The following ERCC6L2 variants were observed in gnomAD, a reference collection of about 807,000 sequenced individuals.
ERCC6L2 encodes DNA excision repair protein ERCC-6-like 2.
Under a neutral mutation model 132.0 loss-of-function variants are expected in ERCC6L2, and 77 were observed. The observed-to-expected ratio is 0.58, with a 90% confidence interval of 0.49 to 0.71. The LOEUF (loss-of-function observed/expected upper bound fraction) is 0.71, where lower values mean the gene tolerates loss of function less well. Ranked by LOEUF, ERCC6L2 falls within the 30% of genes least tolerant of loss-of-function variation. The probability of loss-of-function intolerance (pLI) is 0.00; values close to 1 mark genes in which losing one functional copy is unlikely to be tolerated. For missense variants in ERCC6L2, 1,542 were observed against 1,837.6 expected (o/e 0.84, Z 2.94); for synonymous variants, 583 against 632.4 (o/e 0.92, Z 1.17).
At chr9:95,941,353 A>G (rs1830788235) in intron 11 of ERCC6L2, 101 bp from the exon 12 acceptor site, 2 of 726,396 alleles carry the variant, frequency 2.8e-6, no homozygotes, top group Admixed American at 2.5e-5. Flanking sequence ...TTAATGCAAT[A>G]TCGTACTGTT....
At chr9:95,934,903 G>A (rs1387477387) in intron 11 of ERCC6L2, among the ~76,000 whole-genome samples, 1 of 152,054 alleles carries the variant, frequency 6.6e-6, no homozygotes, top group Non-Finnish European at 1.5e-5. Context: ...GAAAGATGAG[G>A]ACATTTCTTT....
Position 96,004,721 on chromosome 9 carries a change from A to G in ERCC6L2, c.3674+20A>G, listed in dbSNP as rs1314324917. 1.5e-6 allele frequency: 2 copies of G among 1,293,072 alleles called. No individual in the cohort carries two copies. The highest frequency in any genetic ancestry group is 2.1e-6 in the Non-Finnish European group (2 of 973,590). 80.1% of individuals were successfully genotyped at this position (1,293,072 alleles called of 1,614,324 possible). A position where few individuals can be genotyped will look rare whatever the true frequency, so the allele number is the denominator to read the frequency against. On this transcript the variant is annotated intron_variant, in intron 18 of 18. Transcript: ENST00000653738. ...CCGCAGGTATATTGTCTCTGACAAT[A>G]CTATACTTGAAGAATAATTCTCAAA...
At chr9:96,006,412 A>G (rs1209976452) in intron 18 of ERCC6L2, among the ~76,000 whole-genome samples, 2 of 152,246 alleles carry the variant, frequency 1.3e-5, no homozygotes, top group African/African-American at 4.8e-5. Context: ...CTCAGCAGGC[A>G]CCTTGGCAGG....
chr9:95,963,919 G>A (rs576268348), intron 13 of ERCC6L2, among the ~76,000 whole-genome samples: 1 of 152,214 alleles, frequency 6.6e-6, no homozygotes, highest in South Asian at 2.1e-4. Flanking sequence ...CCCTACTACT[G>A]CTCACGTTAA....
intron 2 of ERCC6L2, among the ~76,000 whole-genome samples, chr9:95,891,943 T>C (rs1434894274): frequency 6.6e-6 from 1 of 152,164 alleles, no homozygotes; most frequent in African/African-American, 2.4e-5. Context: ...TGGATACTAA[T>C]CCCTCATCAG....
intron 1 of ERCC6L2, chr9:95,877,190 C>CCAACAGGAAATCT (rs1440622117): frequency 1.3e-5 from 2 of 152,160 alleles, no homozygotes; most frequent in Non-Finnish European, 2.9e-5. Flanking sequence ...CCTGTTAAAT[C>CCAACAGGAAATCT]CAACAGGAAA....
chr9:95,909,004 TA>T (rs745362038), intron 4 of ERCC6L2, among the ~76,000 whole-genome samples: 2 of 152,204 alleles, frequency 1.3e-5, no homozygotes, highest in Admixed American at 1.3e-4. Flanking sequence ...TGGCTTTGGG[TA>T]AATTAGCCCA....
intron 3 of ERCC6L2, among the ~76,000 whole-genome samples, chr9:95,902,218 T>C (rs927132381): frequency 1.3e-5 from 2 of 152,198 alleles, no homozygotes; most frequent in Admixed American, 1.3e-4. Context: ...ACACAAGCTC[T>C]ACATTTTAAA....
chr9:95,919,331 T>C (rs1829751938), intron 6 of ERCC6L2, among the ~76,000 whole-genome samples: 1 of 152,258 alleles, frequency 6.6e-6, no homozygotes, highest in Non-Finnish European at 1.5e-5. Flanking sequence ...CAAATATTTA[T>C]ATGTTTCTAT....
chr9:95,894,536 C>T (rs899165860), intron 2 of ERCC6L2, among the ~76,000 whole-genome samples: 1 of 143,282 alleles, frequency 7.0e-6, no homozygotes, highest in African/African-American at 2.6e-5. Context: ...TGTATGGTTT[C>T]TGTCTACTGA....
At chr9:96,027,273 C>G (rs1834391523) in intron 19 of ERCC6L2, among the ~76,000 whole-genome samples, 1 of 152,148 alleles carries the variant, frequency 6.6e-6, no homozygotes, top group Non-Finnish European at 1.5e-5. Flanking sequence ...GGTGTGTGCT[C>G]TAGTTCCCGG....
Position 95,928,835 on chromosome 9 carries a change from A to G in ERCC6L2, c.1722A>G (p.Gln574=), listed in dbSNP as rs1207481621. 2 of 1,603,512 alleles carry G rather than the reference A, an allele frequency of 1.2e-6. No individual in the cohort carries two copies. Among genetic ancestry groups the G allele is most frequent in the East Asian group, 4.5e-5 (2 of 44,446 alleles). ...LKIVKEFNST[Q]DVNICLVSTM... ...TTGTAAAAGAGTTCAACAGTACACA[A>G]GATGTTAACATTTGCCTTGTCTCTA... Residue 574 remains glutamine (Q), a synonymous_variant, in exon 11 of 19, where the codon CAA becomes CAG. Coordinates refer to ENST00000653738, the MANE Select transcript of ERCC6L2 (RefSeq NM_020207.7).
intron 19 of ERCC6L2, among the ~76,000 whole-genome samples, chr9:96,024,502 C>A (rs943623434): frequency 1.3e-5 from 2 of 152,212 alleles, no homozygotes; most frequent in Non-Finnish European, 2.9e-5. Context: ...TTGCTGTCCT[C>A]GGACCTCTCC....
rs180955671 is a variant in ERCC6L2 at position 95,953,446 on chromosome 9, G to A, written c.1848-2468G>A. On this transcript the variant is annotated intron_variant, in intron 12 of 18. Transcript: ENST00000653738. ...AAAAAAATAGCTGGGCGTGGTGGTG[G>A]GCACCTGTAGTCCCAGCTACTTGGG... Among the ~76,000 whole-genome samples the A allele has an allele frequency of 5.2e-3, 786 of 151,922 alleles. 1 individual carries two copies. The highest frequency in any genetic ancestry group is 9.0e-3 in the Non-Finnish European group (612 of 67,936).
intron 2 of ERCC6L2, among the ~76,000 whole-genome samples, chr9:95,888,809 GTTC>G (rs1828010478): frequency 6.6e-6 from 1 of 152,140 alleles, no homozygotes; most frequent in African/African-American, 2.4e-5. Flanking sequence ...CACCTGTGCT[GTTC>G]TTCACATTCT....
chr9:95,979,750 A>G (rs376373160), intron 17 of ERCC6L2, among the ~76,000 whole-genome samples: 2 of 152,174 alleles, frequency 1.3e-5, no homozygotes, highest in South Asian at 2.1e-4. Flanking sequence ...TTTAAACAGC[A>G]TTTCTACAGT....
intron 11 of ERCC6L2, among the ~76,000 whole-genome samples, chr9:95,938,925 T>A (rs1028118312): frequency 6.6e-6 from 1 of 152,106 alleles, no homozygotes; most frequent in Non-Finnish European, 1.5e-5. Flanking sequence ...TTTGTTTATG[T>A]ATAGTGTTTT....
downstream of ERCC6L2, among the ~76,000 whole-genome samples, chr9:96,022,096 A>T (rs1324819941): frequency 6.6e-6 from 1 of 152,190 alleles, no homozygotes; most frequent in Non-Finnish European, 1.5e-5. Flanking sequence ...TCAACCTGTT[A>T]CCAAGTCCTA....
intron 17 of ERCC6L2, among the ~76,000 whole-genome samples, chr9:95,997,151 TCAGTTGTTAA>T (rs1258827028): frequency 0.032 from 4,832 of 152,306 alleles, 276 homozygotes; most frequent in African/African-American, 0.11. Flanking sequence ...TTGGGCAAAG[TCAGTTGTTAA>T]CCTTCTGGAA....
Sources: allele counts gnomAD v4.1 joint callset (sites outside exome capture counted in the v4.1 genomes callset), GRCh38; gene constraint gnomAD v4.1.1; transcripts MANE v1.5; gene names NCBI Gene and HGNC (gene_info 2026-07-23, HGNC 2026-07-21).